The following FANCA variants were observed in gnomAD, a reference collection of about 807,000 sequenced individuals.
The protein encoded by FANCA is Fanconi anemia group A protein.
A neutral mutation model predicts 194.3 loss-of-function variants in FANCA; 236 were observed. The observed-to-expected ratio is 1.21, with a 90% confidence interval of 1.09 to 1.35. The LOEUF is 1.35. Among genes scored for constraint, FANCA ranks in the 40% most tolerant of loss-of-function variants. FANCA has a pLI of 0.00. For missense variants in FANCA, 2,628 were observed against 1,813.9 expected, an observed-to-expected ratio of 1.45 and a Z score of -8.15; for synonymous variants, 1,014 against 715.8, an observed-to-expected ratio of 1.42 and a Z score of -6.65.
At chr16:89,744,673 T>TG (rs2062204318) in intron 36 of FANCA, 3 of 435,152 alleles carry the variant, frequency 6.9e-6, no homozygotes, top group Non-Finnish European at 8.5e-6. Context: ...CTGTTTTTTT[T>TG]TTTGTTTTTT....
intron 27 of FANCA, among the ~76,000 whole-genome samples, chr16:89,766,767 T>A (rs1298232041): frequency 6.6e-6 from 1 of 151,906 alleles, no homozygotes; most frequent in African/African-American, 2.4e-5. Context: ...ATTTACTAGA[T>A]GAGAGGAATA....
rs2039171099 is a variant in FANCA at position 89,767,510 on chromosome 16, G to A, written c.2505-273C>T. 1.3e-5 allele frequency among the ~76,000 whole-genome samples: 2 copies of A among 152,108 alleles called. 1 individual carries two copies. Among genetic ancestry groups the A allele is most frequent in the Admixed American group, 1.3e-4 (2 of 15,256 alleles). ...AGCCTCCCAGGTAGCTGGGATTACAGGCATCTCCCACCATGCCCAGCTGAT... is the reference window on the plus strand; with the variant it reads ...AGCCTCCCAGGTAGCTGGGATTACAAGCATCTCCCACCATGCCCAGCTGAT... On this transcript the variant is annotated intron_variant, in intron 26 of 42. Coordinates refer to ENST00000389301, the MANE Select transcript of FANCA (RefSeq NM_000135.4).
At chr16:89,809,933 G>A (rs1390098913) in intron 5 of FANCA, among the ~76,000 whole-genome samples, 1 of 152,124 alleles carries the variant, frequency 6.6e-6, no homozygotes, top group African/African-American at 2.4e-5. Flanking sequence ...GGCTGAGGCA[G>A]GACAATCGCT....
chr16:89,789,307 G>GGT (rs776812483), intron 14 of FANCA, among the ~76,000 whole-genome samples: 2 of 89,052 alleles, frequency 2.2e-5, no homozygotes, highest in African/African-American at 1.4e-4. Flanking sequence ...CAGAAGGCCT[G>GGT]GGGGGGGAGC....
intron 3 of FANCA, among the ~76,000 whole-genome samples, chr16:89,812,380 G>C (rs2040920083): frequency 6.8e-6 from 1 of 147,282 alleles, no homozygotes; most frequent in Non-Finnish European, 1.5e-5. Context: ...GGCTCAGTGG[G>C]TCCCTCCTGT....
chr16:89,755,797 T>A (rs146416985), intron 30 of FANCA, among the ~76,000 whole-genome samples: 205 of 152,284 alleles, frequency 1.3e-3, no homozygotes, highest in South Asian at 3.5e-3. Flanking sequence ...TTTCATCACG[T>A]GAACATCCAA....
chr16:89,787,037 A>C (rs1433541939), intron 14 of FANCA, among the ~76,000 whole-genome samples: 1 of 152,242 alleles, frequency 6.6e-6, no homozygotes, highest in Non-Finnish European at 1.5e-5. Flanking sequence ...ATTTCTGTAA[A>C]GCATCTAAGT....
At chr16:89,774,664 A>G (rs1009250296) in intron 21 of FANCA, among the ~76,000 whole-genome samples, 1 of 141,064 alleles carries the variant, frequency 7.1e-6, no homozygotes, top group African/African-American at 2.6e-5. Context: ...TGGGAGGCGG[A>G]GCTTACAGCG....
intron 30 of FANCA, among the ~76,000 whole-genome samples, chr16:89,757,933 G>A (rs1254309566): frequency 6.6e-6 from 1 of 152,102 alleles, no homozygotes; most frequent in African/African-American, 2.4e-5. Flanking sequence ...TCGGCTCACT[G>A]CAACCTCTGC....
chr16:89,798,392 A>G, intron 10 of FANCA: 1 of 1,054,926 alleles, frequency 9.5e-7, no homozygotes, highest in Non-Finnish European at 1.1e-6. Flanking sequence ...CTGTTTCAGT[A>G]AAAGTACCGA....
rs965198476 is a variant in FANCA at position 89,816,625 on chromosome 16, G to A, written c.-10C>T. The stretch of plus-strand genomic sequence containing the variant: ...CCCACGAGTCGGACATGGCCTTGGC[G>A]CCTACAGCCCCGGCGGCGGCTCCCT... On this transcript the variant is annotated 5_prime_UTR_variant, in exon 1 of 43. Coordinates refer to ENST00000389301, the MANE Select transcript of FANCA (RefSeq NM_000135.4). The A allele has an allele frequency of 5.3e-6, 8 of 1,520,978 alleles. No individual in the cohort carries two copies. The highest frequency in any genetic ancestry group is 2.8e-5 in the African/African-American group (2 of 70,334). The allele number at this position is 1,520,978 out of a possible 1,614,324, so 94.2% of individuals were successfully genotyped here. A position where few individuals can be genotyped will look rare whatever the true frequency, so the allele number is the denominator to read the frequency against.
intron 12 of FANCA, 74 bp downstream of exon 12, chr16:89,792,397 C>T (rs1352740000): frequency 1.4e-6 from 2 of 1,471,686 alleles, no homozygotes; most frequent in Non-Finnish European, 9.5e-7. Context: ...CGGCAGGCAG[C>T]ATGACAAGTA....
chr16:89,747,890 C>T (rs1466880501), intron 33 of FANCA, among the ~76,000 whole-genome samples: 5 of 152,058 alleles, frequency 3.3e-5, no homozygotes, highest in Admixed American at 1.3e-4. Context: ...TGGGTCCCTA[C>T]GCTGCCCGTC....
chr16:89,797,076 T>A (rs979141968), intron 10 of FANCA, among the ~76,000 whole-genome samples: 2 of 151,794 alleles, frequency 1.3e-5, no homozygotes, highest in Non-Finnish European at 2.9e-5. Flanking sequence ...AGGAGAATGG[T>A]GTGAACCCAG....
chr16:89,814,598 A>G lies in FANCA; in HGVS notation c.205T>C (p.Cys69Arg). ...ACTTTGCTGAGAGACAATTTTTTAC[A>G]CAGTGGACCTTCTACCTAGAATCCA... ...ALLLEVEGPL[C>R]KKLSLSKVID... Residue 69 changes from cysteine to arginine, a missense_variant, in exon 3 of 43, where the codon TGT becomes CGT. Physicochemically the swap from Cys to Arg is radical, Grantham distance 180. Transcript: ENST00000389301. 1.2e-6 allele frequency: 2 copies of G among 1,613,286 alleles called. No individual in the cohort carries two copies. The highest frequency in any genetic ancestry group is 1.7e-6 in the Non-Finnish European group (2 of 1,179,254).
At position 89,738,329 on chromosome 16, in the gene FANCA, G is replaced by GGGAGGGTC. The variant is rs1165147392; in HGVS notation, c.*264_*271dup. ...CCTCACCCTTCGTGTGCACCCGCAT[G>GGGAGGGTC]GGAGGGTCGGAGGGTGCTGCCCGCC... On this transcript the variant is annotated 3_prime_UTR_variant, in exon 43 of 43. Transcript: ENST00000389301. The GGGAGGGTC allele has an allele frequency of 1.4e-5, 21 of 1,506,254 alleles. No homozygotes were observed. The highest frequency in any genetic ancestry group is 2.3e-4 in the Middle Eastern group (1 of 4,380). The allele number at this position is 1,506,254 out of a possible 1,614,324, so 93.3% of individuals were successfully genotyped here.
At chr16:89,769,511 C>G (rs761760621) in intron 26 of FANCA, among the ~76,000 whole-genome samples, 1 of 152,172 alleles carries the variant, frequency 6.6e-6, no homozygotes, top group Non-Finnish European at 1.5e-5. Context: ...CTGGTCCAAC[C>G]AAGGGCCAGA....
At chr16:89,765,237 G>A (rs1020998492) in intron 27 of FANCA, among the ~76,000 whole-genome samples, 171 bp from the exon 28 acceptor site, 1 of 151,402 alleles carries the variant, frequency 6.6e-6, no homozygotes, top group Non-Finnish European at 1.5e-5. Flanking sequence ...CACGTTCAGG[G>A]GACCTCAGTC....
chr16:89,757,736 C>T (rs2038812478), intron 30 of FANCA, among the ~76,000 whole-genome samples: 1 of 152,210 alleles, frequency 6.6e-6, no homozygotes, highest in African/African-American at 2.4e-5. Context: ...ACATGCAACA[C>T]CTCAGGAACT....
Sources: allele counts gnomAD v4.1 joint callset (sites outside exome capture counted in the v4.1 genomes callset), GRCh38; gene constraint gnomAD v4.1.1; transcripts MANE v1.5; gene names NCBI Gene and HGNC (gene_info 2026-07-23, HGNC 2026-07-21).